Variants in ABCA3 observed in about 807,000 individuals in gnomAD.
ABCA3 encodes phospholipid-transporting ATPase ABCA3.
A neutral mutation model predicts 172.8 loss-of-function variants in ABCA3; 88 were observed. The observed-to-expected ratio is 0.51, with a 90% CI of 0.43 to 0.61. ABCA3 has a LOEUF of 0.61. Ranked by LOEUF, ABCA3 falls within the 20% of genes least tolerant of loss-of-function variation. ABCA3 has a pLI of 0.00. For synonymous variants in ABCA3, 1,066 were observed against 983.8 expected (o/e 1.08, Z -1.56); for missense variants, 2,164 against 2,301.0 (o/e 0.94, Z 1.22).
intron 11 of ABCA3, among the ~76,000 whole-genome samples, chr16:2,307,529 G>C (rs1197814634): frequency 6.6e-6 from 1 of 151,856 alleles, no homozygotes; most frequent in African/African-American, 2.4e-5. Flanking sequence ...ACTCAAACCT[G>C]GGAAACAGAA....
chr16:2,284,542 A>G lies in ABCA3; in HGVS notation c.3704-105T>C. On this transcript the variant is annotated intron_variant, in intron 24 of 32. Coordinates refer to ENST00000301732, the MANE Select transcript of ABCA3 (RefSeq NM_001089.3). The surrounding 1 kb of genome is among the most constrained non-coding windows in gnomAD (Gnocchi z 5.9). ...ACAGGGCCTTATCCGTGCTGTGTGG[A>G]GTGAGGGGGCACCTCCCAGGGACGC... 1 of 1,522,868 alleles carries G rather than the reference A, an allele frequency of 6.6e-7. No individual in the cohort carries two copies. The highest frequency in any genetic ancestry group is 9.1e-7 in the Non-Finnish European group (1 of 1,101,780). The allele number at this position is 1,522,868 out of a possible 1,614,324, so 94.3% of individuals were successfully genotyped here.
rs764160392 is a variant in ABCA3, at chr16:2,308,490, C to T, written c.1245G>A (p.Met415Ile). The T allele has an allele frequency of 6.2e-7, 1 of 1,614,224 alleles. No individual in the cohort carries two copies. Among genetic ancestry groups the T allele is most frequent in the Admixed American group, 1.7e-5 (1 of 60,024 alleles). The change falls in exon 11 of 33, where the codon ATG becomes ATA. Residue 415 changes from methionine to isoleucine, a missense_variant. Met to Ile is a conservative substitution (Grantham distance 10). This residue lies in a region of ABCA3 where 1,343 missense variants were observed against 1,369.6 expected (regional missense o/e 0.98). Transcript: ENST00000301732. ...TCCCAATGAGCTGGGCTCCCATTGC[C>T]ATGGCGACATTAGACAGGAGGCAGG... ...LCSCLLSNVA[M>I]AMGAQLIGKF...
intron 7 of ABCA3, among the ~76,000 whole-genome samples, chr16:2,320,618 C>T (rs1254847703): frequency 3.3e-5 from 5 of 151,860 alleles, no homozygotes; most frequent in Admixed American, 6.6e-5. Context: ...AGGCTGGTCC[C>T]GAACTCCTGA....
intron 11 of ABCA3, among the ~76,000 whole-genome samples, chr16:2,304,713 T>C: frequency 6.9e-6 from 1 of 145,398 alleles, no homozygotes; most frequent in Admixed American, 7.5e-5. Flanking sequence ...TCTTGCTCTG[T>C]CTCCCAGGCT....
chr16:2,312,731 C>G (rs1044774375), intron 10 of ABCA3, among the ~76,000 whole-genome samples: 1 of 151,968 alleles, frequency 6.6e-6, no homozygotes, highest in African/African-American at 2.4e-5. Context: ...GGGGTTTCAC[C>G]ATGTTGGCCA....
rs535370483 is a variant in ABCA3, at chr16:2,340,158, G to A, written c.-539+415C>T. ...CCGGAAAGCGGCGCCATCTCCGCAA[G>A]TGCGCGGCGGACGCCTGCATCCCTC... On this transcript the variant is annotated intron_variant, in intron 1 of 32. Transcript: ENST00000301732. 2.0e-5 allele frequency among the ~76,000 whole-genome samples: 3 copies of A among 152,368 alleles called. No homozygotes were observed. The South Asian group carries it at 6.2e-4, about 32-fold the overall frequency.
Position 2,285,485 on chromosome 16 carries a change from A to G in ABCA3, c.3440T>C (p.Leu1147Pro), listed in dbSNP as rs779303756. 2 of 1,611,906 alleles carry G rather than the reference A, an allele frequency of 1.2e-6. No individual in the cohort carries two copies. Among genetic ancestry groups the G allele is most frequent in the Non-Finnish European group, 8.5e-7 (1 of 1,179,066 alleles). ...GATGAGGAAGGAGATGAGGTCCCAC[A>G]GCAGAGCAGAGAGCCAGAAACTGGC... ...HVASFWLSAL[L>P]WDLISFLIPS... The change falls in exon 23 of 33, where the codon CTG becomes CCG. Residue 1147 changes from leucine to proline, a missense_variant. Transcript: ENST00000301732. The surrounding 1 kb of genome is among the most constrained non-coding windows in gnomAD (Gnocchi z 4.7).
intron 18 of ABCA3, among the ~76,000 whole-genome samples, chr16:2,294,007 T>A (rs2093676054): frequency 6.6e-6 from 1 of 151,096 alleles, no homozygotes; most frequent in Non-Finnish European, 1.5e-5. Context: ...GTTTTTTCTT[T>A]CTTTTTTTTT....
chr16:2,308,704 C>T (rs1167365671), intron 10 of ABCA3, 81 bp from the exon 11 acceptor site: 12 of 1,557,184 alleles, frequency 7.7e-6, no homozygotes, highest in East Asian at 2.3e-5. Flanking sequence ...ACAGGCAACC[C>T]CCTACTCCTG....
intron 7 of ABCA3, among the ~76,000 whole-genome samples, chr16:2,321,986 T>C (rs2141735615): frequency 6.6e-6 from 1 of 151,990 alleles, no homozygotes; most frequent in South Asian, 2.1e-4. Context: ...AATCATGAGG[T>C]CAAGAGATCG....
chr16:2,281,220 A>T lies in ABCA3; in HGVS notation c.4166T>A (p.Val1389Glu). ...CAGGAGGGGCACCCGCTGCTCGTAC[A>T]CCTGCAGGCACCCAACAGAAAACAC... is the stretch of plus-strand genomic sequence containing the variant. Reference protein sequence around the residue: ...TPLIIKELSKVYEQRVPLLAV... With the variant: ...TPLIIKELSKEYEQRVPLLAV... Residue 1389 changes from valine (V) to glutamate (E), a missense_variant and splice_region_variant, in exon 28 of 33, where the codon GTG becomes GAG. Val to Glu is a moderately radical substitution (Grantham distance 121). Around this residue, in one of 3 missense-constraint regions of ABCA3, gnomAD observed 795 missense variants for 881.9 expected, o/e 0.90. Transcript: ENST00000301732. This position sits in a 1 kb window ranked among gnomAD's most constrained non-coding sequence, Gnocchi z 4.7. The T allele has an allele frequency of 6.2e-7, 1 of 1,613,392 alleles. No individual in the cohort carries two copies. The highest frequency in any genetic ancestry group is 8.5e-7 in the Non-Finnish European group (1 of 1,179,950).
At chr16:2,315,726 CA>C (rs1218794361) in intron 10 of ABCA3, among the ~76,000 whole-genome samples, 3 of 151,436 alleles carry the variant, frequency 2.0e-5, no homozygotes, top group Non-Finnish European at 4.4e-5. Flanking sequence ...TGCAGTGGTA[CA>C]AACTCAGCTC....
In ABCA3 at chr16:2,286,970, G is replaced by A. The variant is rs772450289; in HGVS notation, c.3005-3C>T. ...GATCAAGAACTCCTCCAGGTCACCT[G>A]GGGAGCAATGGCAGAGTCAGGGGAC... On this transcript the variant is annotated splice_region_variant and splice_polypyrimidine_tract_variant and intron_variant, in intron 21 of 32. Coordinates refer to ENST00000301732, the MANE Select transcript of ABCA3 (RefSeq NM_001089.3). The surrounding 1 kb of genome is among the most constrained non-coding windows in gnomAD (Gnocchi z 5.2). 2 of 1,612,074 alleles carry A rather than the reference G, an allele frequency of 1.2e-6. No individual in the cohort carries two copies. Among genetic ancestry groups the A allele is most frequent in the Non-Finnish European group, 1.7e-6 (2 of 1,179,498 alleles).
rs781268210 is a variant in ABCA3 at position 2,279,016 on chromosome 16, C to T, written c.4474G>A (p.Gly1492Arg). 18 of 1,613,542 alleles carry T rather than the reference C, an allele frequency of 1.1e-5. No homozygotes were observed. In the East Asian group the frequency reaches 1.8e-4, roughly 16 times the overall value. The part of the protein sequence containing the change: ...RLRGIPERHI[G>R]ACVENTLRGL... ...CGCAGAGTGTTCTCCACGCAGGCCC[C>T]GATGTGGCGCTCAGGGATGCCCCGG... The change falls in exon 29 of 33, where the codon GGG becomes AGG. Residue 1492 changes from glycine to arginine, a missense_variant. Gly to Arg is a moderately radical substitution (Grantham distance 125). Coordinates refer to ENST00000301732, the MANE Select transcript of ABCA3 (RefSeq NM_001089.3). This position sits in a 1 kb window ranked among gnomAD's most constrained non-coding sequence, Gnocchi z 4.4.
chr16:2,280,240 T>G (rs371091442), intron 28 of ABCA3, among the ~76,000 whole-genome samples: 15 of 152,384 alleles, frequency 9.8e-5, no homozygotes, highest in African/African-American at 3.6e-4. Context: ...CATAATTTAT[T>G]TCTGTAGACA....
intron 12 of ABCA3, among the ~76,000 whole-genome samples, chr16:2,300,820 G>A (rs1167351835): frequency 2.6e-5 from 4 of 152,206 alleles, no homozygotes; most frequent in East Asian, 1.9e-4. Flanking sequence ...GCGGGGACTC[G>A]TTTACCCGCA....
chr16:2,292,030 A>T, intron 19 of ABCA3, 110 bp downstream of exon 19: 1 of 828,806 alleles, frequency 1.2e-6, no homozygotes, highest in Non-Finnish European at 2.0e-6. Context: ...CCGAGATCGC[A>T]CCACTGCACT....
chr16:2,327,982 A>G (rs1567355381), intron 3 of ABCA3, among the ~76,000 whole-genome samples: 1 of 152,126 alleles, frequency 6.6e-6, no homozygotes, highest in Non-Finnish European at 1.5e-5. Context: ...CAGCCTCCCA[A>G]AGTGCTGGGA....
At chr16:2,294,180 G>A (rs1200256592) in intron 18 of ABCA3, among the ~76,000 whole-genome samples, 2 of 150,762 alleles carry the variant, frequency 1.3e-5, no homozygotes, top group African/African-American at 4.9e-5. Flanking sequence ...ACCACGCCCG[G>A]CTAATTTTTG....
Sources: gnomAD v4.1 joint callset for allele counts (sites outside exome capture counted in the v4.1 genomes callset) on GRCh38, gnomAD v4.1.1 for gene constraint, gnomAD v4.1.1 regional missense constraint, Gnocchi (gnomAD v3.1) non-coding constraint, MANE v1.5 for transcripts, NCBI Gene and HGNC (gene_info 2026-07-23, HGNC 2026-07-21) for gene names.